Variants in NRXN3 observed in about 807,000 individuals in gnomAD.
The protein encoded by NRXN3 is neurexin III.
In NRXN3, 32 loss-of-function variants were observed where a neutral mutation model predicts 137.6. The ratio of observed to expected loss-of-function variants is 0.23; its 90% CI spans 0.18 to 0.31. The LOEUF (loss-of-function observed/expected upper bound fraction) is 0.31. NRXN3 is among the 10% of genes least tolerant of loss of function. The pLI, the probability that NRXN3 is intolerant of heterozygous loss-of-function variation, is 1.00. For missense variants in NRXN3, 1,574 were observed against 2,062.5 expected (o/e 0.76, Z 4.59); for synonymous variants, 798 against 784.5 (o/e 1.02, Z -0.29).
chr14:79,479,090 T>A (rs2096584314), intron 16 of NRXN3, among the ~76,000 whole-genome samples: 1 of 152,154 alleles, frequency 6.6e-6, no homozygotes, highest in Non-Finnish European at 1.5e-5. Flanking sequence ...TTATCTTAGC[T>A]TGGATAGCTA....
chr14:79,774,936 T>C (rs933532580), intron 19 of NRXN3, among the ~76,000 whole-genome samples: 2 of 151,848 alleles, frequency 1.3e-5, no homozygotes, highest in African/African-American at 4.8e-5. Flanking sequence ...ATGATATATA[T>C]ATAGTATGTG....
rs151164571 is a variant in NRXN3 at position 79,399,791 on chromosome 14, C to A, written c.3263-67430C>A. 2.6e-5 allele frequency among the ~76,000 whole-genome samples: 4 copies of A among 152,306 alleles called. No homozygotes were observed. In the East Asian group the frequency reaches 7.7e-4, roughly 29 times the overall value. The stretch of plus-strand genomic sequence containing the variant: ...GCTGAAAACATTGGAAAATCAGTTT[C>A]TCCCAGTTCGGGAGAATAGAAGGCC... On this transcript the variant is annotated intron_variant, in intron 15 of 20. Transcript: ENST00000335750.
At chr14:78,637,271 T>G (rs1057221457) in intron 4 of NRXN3, among the ~76,000 whole-genome samples, 1 of 152,238 alleles carries the variant, frequency 6.6e-6, no homozygotes, top group African/African-American at 2.4e-5. Flanking sequence ...CCAATGGATA[T>G]GCTGTTTCTT....
chr14:79,348,524 C>T (rs1208984817), intron 15 of NRXN3, among the ~76,000 whole-genome samples: 6 of 152,086 alleles, frequency 3.9e-5, no homozygotes, highest in East Asian at 3.9e-4. Flanking sequence ...TACAGGCGCC[C>T]GCCACCACTC....
At chr14:78,285,392 C>T (rs1050608109) in intron 3 of NRXN3, among the ~76,000 whole-genome samples, 28 of 152,170 alleles carry the variant, frequency 1.8e-4, no homozygotes, top group African/African-American at 6.5e-4. Context: ...TTACATGCCT[C>T]ATTTAATGTT....
chr14:79,746,180 C>G (rs1025324774), intron 19 of NRXN3, among the ~76,000 whole-genome samples: 3 of 152,116 alleles, frequency 2.0e-5, no homozygotes, highest in Non-Finnish European at 4.4e-5. Context: ...ATTCCCTAAA[C>G]TTGCTGAAAC....
intron 15 of NRXN3, among the ~76,000 whole-genome samples, chr14:79,177,983 T>G (rs1476001249): frequency 6.6e-6 from 1 of 152,210 alleles, no homozygotes; most frequent in Non-Finnish European, 1.5e-5. Flanking sequence ...AGTAACTTTT[T>G]GACCAAAAAA....
At chr14:79,352,649 A>G (rs994645394) in intron 15 of NRXN3, among the ~76,000 whole-genome samples, 4 of 152,182 alleles carry the variant, frequency 2.6e-5, no homozygotes, top group African/African-American at 9.6e-5. Context: ...AATTGGTGTT[A>G]GAAGCCAAGA....
intron 4 of NRXN3, among the ~76,000 whole-genome samples, chr14:78,356,977 C>A (rs1439922283): frequency 1.3e-5 from 2 of 152,120 alleles, no homozygotes; most frequent in African/African-American, 2.4e-5. Context: ...ACATGGGTGC[C>A]TCTGGGCCCT....
At chr14:78,538,044 G>T (rs2096553218) in intron 4 of NRXN3, among the ~76,000 whole-genome samples, 1 of 152,182 alleles carries the variant, frequency 6.6e-6, no homozygotes, top group Non-Finnish European at 1.5e-5. Flanking sequence ...CAGGTAGCAT[G>T]ATGCTTCCAG....
intron 4 of NRXN3, among the ~76,000 whole-genome samples, chr14:78,593,923 T>C (rs2097138279): frequency 6.6e-6 from 1 of 152,078 alleles, no homozygotes; most frequent in Admixed American, 6.5e-5. Flanking sequence ...ATTCCAACGA[T>C]GCTAGATTCA....
intron 16 of NRXN3, among the ~76,000 whole-genome samples, chr14:79,492,784 C>T (rs187332049): frequency 5.9e-5 from 9 of 152,248 alleles, no homozygotes; most frequent in Non-Finnish European, 8.8e-5. Flanking sequence ...TGACTTTCCA[C>T]GGCCAGATAC....
chr14:79,073,927 A>C (rs1171131648), intron 15 of NRXN3, among the ~76,000 whole-genome samples: 2 of 152,142 alleles, frequency 1.3e-5, no homozygotes, highest in Admixed American at 6.5e-5. Context: ...TAACCACTAC[A>C]TAGGAGGGTA....
chr14:79,162,397 G>GT (rs1193654489), intron 15 of NRXN3, among the ~76,000 whole-genome samples: 1 of 150,750 alleles, frequency 6.6e-6, no homozygotes, highest in East Asian at 2.0e-4. Flanking sequence ...GCGGTGTTTG[G>GT]TTTTTTGTTC....
chr14:78,613,274 T>G (rs1174572796), intron 4 of NRXN3, among the ~76,000 whole-genome samples: 1 of 152,220 alleles, frequency 6.6e-6, no homozygotes, highest in African/African-American at 2.4e-5. Flanking sequence ...TAGTTATATT[T>G]TATTCTTAAA....
chr14:79,775,595 T>A (rs2099094452), intron 19 of NRXN3, among the ~76,000 whole-genome samples: 2 of 148,632 alleles, frequency 1.3e-5, no homozygotes, highest in South Asian at 4.3e-4. Context: ...TAGGAATTCA[T>A]TGAGTAAGCC....
At chr14:79,260,335 G>A (rs1202155200) in intron 15 of NRXN3, among the ~76,000 whole-genome samples, 2 of 152,092 alleles carry the variant, frequency 1.3e-5, no homozygotes, top group East Asian at 1.9e-4. Flanking sequence ...AGGCAGACAC[G>A]TCTTGGGATG....
At chr14:78,655,565 T>C (rs2097778134) in intron 6 of NRXN3, among the ~76,000 whole-genome samples, 1 of 152,204 alleles carries the variant, frequency 6.6e-6, no homozygotes. Context: ...CACTATGTTT[T>C]CCTTTATTAA....
At chr14:78,323,058 G>A (rs1464105011) in intron 4 of NRXN3, among the ~76,000 whole-genome samples, 1 of 152,020 alleles carries the variant, frequency 6.6e-6, no homozygotes, top group African/African-American at 2.4e-5. Flanking sequence ...TATAGGAGAG[G>A]AGATTGACTG....
Sources: gnomAD v4.1 joint callset for allele counts (sites outside exome capture counted in the v4.1 genomes callset) on GRCh38, gnomAD v4.1.1 for gene constraint, MANE v1.5 for transcripts, NCBI Gene and HGNC (gene_info 2026-07-23, HGNC 2026-07-21) for gene names.